ARHGEF11: variants seen among roughly 807,000 people sequenced by gnomAD.
ARHGEF11 encodes the protein Rho guanine nucleotide exchange factor 11.
Under a neutral mutation model 193.7 loss-of-function variants are expected in ARHGEF11, and 55 were observed. The observed-to-expected ratio is 0.28, with a 90% confidence interval of 0.23 to 0.36. The LOEUF is 0.36. ARHGEF11 is among the 10% of genes least tolerant of loss of function. ARHGEF11 has a pLI of 1.00. For synonymous variants in ARHGEF11, 693 were observed against 768.0 expected, an observed-to-expected ratio of 0.90 and a Z score of 1.62; for missense variants, 1,723 against 2,005.6, an observed-to-expected ratio of 0.86 and a Z score of 2.69.
Position 157,023,403 on chromosome 1 carries a change from A to C in ARHGEF11, c.32+20896T>G, listed in dbSNP as rs374496808. Among the ~76,000 whole-genome samples the C allele has an allele frequency of 5.1e-4, 78 of 152,362 alleles. 1 individual carries two copies. Among genetic ancestry groups the C allele is most frequent in the African/African-American group, 1.9e-3 (78 of 41,584 alleles). ...ACATAAAAAGATGCTCAACATCATT[A>C]GTCATTAAGGAAATGCAAATCAAAA... On this transcript the variant is annotated intron_variant, in intron 1 of 40. Transcript: ENST00000368194.
chr1:156,996,602 T>C (rs1044008750), intron 1 of ARHGEF11, among the ~76,000 whole-genome samples: 5 of 151,368 alleles, frequency 3.3e-5, no homozygotes, highest in Admixed American at 1.3e-4. Context: ...TGAAACCCCG[T>C]CTCTACTAAA....
intron 1 of ARHGEF11, among the ~76,000 whole-genome samples, chr1:157,003,392 G>A (rs1667431070): frequency 6.6e-6 from 1 of 152,214 alleles, no homozygotes; most frequent in Admixed American, 6.5e-5. Context: ...GGAGGGCAGG[G>A]ACTAGGGCTG....
At chr1:156,987,165 C>A (rs1344814003) in intron 1 of ARHGEF11, among the ~76,000 whole-genome samples, 1 of 152,234 alleles carries the variant, frequency 6.6e-6, no homozygotes, top group African/African-American at 2.4e-5. Flanking sequence ...TGCTGCCCCT[C>A]AGAAAGGGGC....
At chr1:156,962,878 CAAAAAAA>C (rs59159449) in intron 13 of ARHGEF11, among the ~76,000 whole-genome samples, 40 of 21,282 alleles carry the variant, frequency 1.9e-3, no homozygotes, top group Middle Eastern at 0.059. Context: ...GACTCCGTCT[CAAAAAAA>C]AAAAAAAAAA....
At chr1:157,046,337 C>A (rs919929680), upstream of ARHGEF11, among the ~76,000 whole-genome samples, 3 of 152,262 alleles carry the variant, frequency 2.0e-5, no homozygotes, top group South Asian at 6.2e-4. Context: ...TTTCCTACCC[C>A]CTGCCCGCCC....
intron 1 of ARHGEF11, among the ~76,000 whole-genome samples, chr1:157,009,039 T>C (rs182243235): frequency 6.6e-6 from 1 of 152,338 alleles, no homozygotes; most frequent in East Asian, 1.9e-4. Flanking sequence ...ATAAGGTCCA[T>C]GGGAAGTAAA....
In ARHGEF11 at chr1:156,969,983, T is replaced by A. The variant is rs1251321059; in HGVS notation, c.748+15A>T. ...AGAGATATGCCAGAGAAAAAAGGGG[T>A]GATGGGGGACTTACCTTCTGATGGT... On this transcript the variant is annotated intron_variant, in intron 9 of 40. Transcript: ENST00000368194. The A allele has an allele frequency of 6.2e-7, 1 of 1,612,944 alleles. No individual in the cohort carries two copies. The highest frequency in any genetic ancestry group is 1.3e-5 in the African/African-American group (1 of 74,780).
intron 38 of ARHGEF11, 68 bp downstream of exon 38, chr1:156,938,350 G>A (rs565512399): frequency 1.2e-5 from 17 of 1,457,458 alleles, no homozygotes; most frequent in Middle Eastern, 3.5e-4. Context: ...GCAGGGGTCC[G>A]ACTCTGCCCT....
intron 9 of ARHGEF11, 84 bp downstream of exon 9, chr1:156,969,914 G>T: frequency 7.3e-7 from 1 of 1,361,548 alleles, no homozygotes; most frequent in Non-Finnish European, 1.0e-6. Flanking sequence ...TTCTTTCCTG[G>T]AATCTGCCCC....
In ARHGEF11 at chr1:156,945,781, C is replaced by G. The variant is rs1007823853; in HGVS notation, c.2812+264G>C. ...CTTGAGTGCCAGCCTGTGTTGGGCA[C>G]CGGATGCTTTCCTTGGATTTGCACA... On this transcript the variant is annotated intron_variant, in intron 29 of 40. Coordinates refer to ENST00000368194, the MANE Select transcript of ARHGEF11 (RefSeq NM_198236.3). 3.2e-4 allele frequency: 128 copies of G among 395,368 alleles called. 5 individuals are homozygous for G. Among genetic ancestry groups the G allele is most frequent in the Non-Finnish European group, 1.0e-4 (22 of 215,372 alleles). The allele number at this position is 395,368 out of a possible 1,614,324, so 24.5% of individuals were successfully genotyped here. A position where few individuals can be genotyped will look rare whatever the true frequency, so the allele number is the denominator to read the frequency against.
intron 1 of ARHGEF11, among the ~76,000 whole-genome samples, chr1:157,015,414 T>C (rs1015889937): frequency 2.6e-5 from 4 of 152,228 alleles, no homozygotes; most frequent in Non-Finnish European, 5.9e-5. Context: ...GAACAGTGCC[T>C]GGTACATAAG....
chr1:157,027,722 G>A (rs185688056), intron 1 of ARHGEF11, among the ~76,000 whole-genome samples: 9 of 152,286 alleles, frequency 5.9e-5, no homozygotes, highest in Non-Finnish European at 1.3e-4. Flanking sequence ...AGGAGGTAGA[G>A]TCTATGTCTT....
At chr1:156,984,032 C>T (rs1664573749) in intron 3 of ARHGEF11, among the ~76,000 whole-genome samples, 1 of 152,200 alleles carries the variant, frequency 6.6e-6, no homozygotes, top group Non-Finnish European at 1.5e-5. Flanking sequence ...TTGATTCCTC[C>T]ATGGAATCTT....
chr1:156,986,408 T>C (rs187116424), intron 1 of ARHGEF11, among the ~76,000 whole-genome samples: 86 of 152,168 alleles, frequency 5.7e-4, no homozygotes, highest in Admixed American at 9.8e-4. Context: ...CAGCAAGGTG[T>C]GAAGGGAAAT....
chr1:156,938,396 G>A (rs1490248956), intron 38 of ARHGEF11, 22 bp downstream of exon 38: 3 of 1,609,246 alleles, frequency 1.9e-6, no homozygotes, highest in African/African-American at 1.3e-5. Context: ...CCTGTCTTTA[G>A]CTCCAAGGAG....
chr1:157,035,925 A>C (rs1671923362), intron 1 of ARHGEF11, among the ~76,000 whole-genome samples: 1 of 89,944 alleles, frequency 1.1e-5, no homozygotes, highest in Admixed American at 1.2e-4. Flanking sequence ...ATATAGGAAT[A>C]TATATATATG....
At chr1:156,941,234 T>G in intron 35 of ARHGEF11, 138 bp downstream of exon 35, 1 of 741,714 alleles carries the variant, frequency 1.3e-6, no homozygotes, top group Non-Finnish European at 2.3e-6. Flanking sequence ...CCTCCCGCCC[T>G]GTTTCTTCTC....
chr1:156,976,416 T>C (rs1272519951), intron 7 of ARHGEF11, among the ~76,000 whole-genome samples: 1 of 152,210 alleles, frequency 6.6e-6, no homozygotes, highest in Non-Finnish European at 1.5e-5. Flanking sequence ...ATTTCCTCCA[T>C]TAGATTTTAA....
intron 21 of ARHGEF11, 21 bp downstream of exon 21, chr1:156,954,871 C>CAAATA: frequency 6.2e-7 from 1 of 1,601,620 alleles, no homozygotes; most frequent in Non-Finnish European, 8.5e-7. Flanking sequence ...AAGACAAACC[C>CAAATA]AAATAAAATG....
Sources: gnomAD v4.1 joint callset for allele counts (sites outside exome capture counted in the v4.1 genomes callset) on GRCh38, gnomAD v4.1.1 for gene constraint, MANE v1.5 for transcripts, NCBI Gene and HGNC (gene_info 2026-07-23, HGNC 2026-07-21) for gene names.